The following TENM2 variants were observed in gnomAD, a reference collection of about 807,000 sequenced individuals.
The protein encoded by TENM2 is teneurin transmembrane protein 2.
TENM2 carries 52 observed loss-of-function variants against 245.2 expected under a neutral mutation model. The observed-to-expected ratio is 0.21, with a 90% confidence interval of 0.17 to 0.27. The LOEUF (loss-of-function observed/expected upper bound fraction) is 0.27, where lower values mean the gene tolerates loss of function less well. Ranked by LOEUF, TENM2 falls within the 10% of genes least tolerant of loss-of-function variation. The pLI is 1.00. For synonymous variants in TENM2, 1,363 were observed against 1,438.9 expected (o/e 0.95, Z 1.19); for missense variants, 3,046 against 3,666.8 (o/e 0.83, Z 4.37).
At chr5:167,159,732 A>G in the TENM2 span, among the ~76,000 whole-genome samples, 1 of 152,206 alleles carries the variant, frequency 6.6e-6, no homozygotes, top group African/African-American at 2.4e-5. Flanking sequence ...GGCCCCGCCC[A>G]CAAGAGAACC....
chr5:168,009,122 A>G (rs989551878), intron 5 of TENM2, among the ~76,000 whole-genome samples: 3 of 152,222 alleles, frequency 2.0e-5, no homozygotes, highest in Admixed American at 6.5e-5. Flanking sequence ...ATTGGAATAT[A>G]CATTAAGACT....
intron 2 of TENM2, among the ~76,000 whole-genome samples, chr5:167,700,594 G>T (rs766854423): frequency 1.1e-4 from 16 of 152,274 alleles, no homozygotes; most frequent in Admixed American, 2.6e-4. Context: ...CAGAGTCCTT[G>T]CTTCTCACTG....
the TENM2 span, among the ~76,000 whole-genome samples, chr5:167,036,593 T>C: frequency 6.6e-6 from 1 of 152,230 alleles, no homozygotes; most frequent in East Asian, 1.9e-4. Flanking sequence ...CTATATTCTA[T>C]TGAGATGCAA....
the TENM2 span, among the ~76,000 whole-genome samples, chr5:167,120,862 G>A: frequency 6.6e-6 from 1 of 152,224 alleles, no homozygotes; most frequent in African/African-American, 2.4e-5. Context: ...ATCTGGCTCT[G>A]TGGGAAAGAG....
At position 167,661,089 on chromosome 5, in the gene TENM2, G is replaced by A. The variant is rs60639149; in HGVS notation, c.503-214897G>A. On this transcript the variant is annotated intron_variant, in intron 2 of 28. Coordinates refer to ENST00000518659, the Ensembl canonical transcript of TENM2. ...ATATTTTTCCTTAGATGCCATTAGG[G>A]CACGTTGCACTGAGCATGTACCTTA... Among the ~76,000 whole-genome samples the A allele has an allele frequency of 2.6e-3, 401 of 152,258 alleles. 3 individuals carry two copies. The highest frequency in any genetic ancestry group is 9.1e-3 in the African/African-American group (378 of 41,560).
At chr5:167,422,838 A>G (rs574789671) in intron 2 of TENM2, among the ~76,000 whole-genome samples, 91 of 152,282 alleles carry the variant, frequency 6.0e-4, no homozygotes, top group African/African-American at 2.1e-3. Context: ...GAAAGTTTAA[A>G]TGCCCTGCTC....
intron 2 of TENM2, among the ~76,000 whole-genome samples, chr5:167,794,228 C>T (rs976009388): frequency 5.3e-5 from 8 of 152,080 alleles, no homozygotes; most frequent in Admixed American, 2.6e-4. Context: ...AGGTGGTACA[C>T]GTTTGCCAAA....
At chr5:167,902,736 A>G (rs1351373931) in intron 3 of TENM2, among the ~76,000 whole-genome samples, 1 of 152,160 alleles carries the variant, frequency 6.6e-6, no homozygotes, top group Non-Finnish European at 1.5e-5. Flanking sequence ...ACCTGTTTTC[A>G]TATTGCAATA....
chr5:167,484,498 G>A (rs1432886), intron 2 of TENM2, among the ~76,000 whole-genome samples: 4 of 152,010 alleles, frequency 2.6e-5, no homozygotes, highest in South Asian at 4.1e-4. Flanking sequence ...CCCTCCCAGC[G>A]CTCAGGAGCC....
At chr5:167,263,195 C>T in the TENM2 span, among the ~76,000 whole-genome samples, 17,052 of 152,166 alleles carry the variant, frequency 0.11, 1,107 homozygotes, top group East Asian at 0.19. Flanking sequence ...GACTTGCTAG[C>T]GTGTATGAGC....
the TENM2 span, among the ~76,000 whole-genome samples, chr5:167,125,708 T>C: frequency 6.6e-6 from 1 of 152,184 alleles, no homozygotes; most frequent in Non-Finnish European, 1.5e-5. Flanking sequence ...ATCGTCCGTA[T>C]GCAGCTTGCT....
intron 2 of TENM2, among the ~76,000 whole-genome samples, chr5:167,457,825 A>C (rs181498533): frequency 3.9e-5 from 6 of 152,342 alleles, no homozygotes; most frequent in Admixed American, 2.6e-4. Flanking sequence ...TTTGCCTCAG[A>C]GACTTTAATC....
At chr5:167,798,286 A>G (rs1301567724) in intron 2 of TENM2, among the ~76,000 whole-genome samples, 1 of 152,172 alleles carries the variant, frequency 6.6e-6, no homozygotes, top group Non-Finnish European at 1.5e-5. Flanking sequence ...TCAGCTTTCT[A>G]TAATTTAAAG....
the TENM2 span, among the ~76,000 whole-genome samples, chr5:167,057,645 C>T: frequency 6.6e-6 from 1 of 152,152 alleles, no homozygotes; most frequent in South Asian, 2.1e-4. Context: ...CTAGAGAAAA[C>T]TGGAGTTGAT....
chr5:167,613,975 GA>G (rs1490304343), intron 2 of TENM2, among the ~76,000 whole-genome samples: 1 of 151,996 alleles, frequency 6.6e-6, no homozygotes, highest in African/African-American at 2.4e-5. Context: ...AAAGGTATTT[GA>G]AAATCAACCA....
At chr5:167,207,624 G>A in the TENM2 span, among the ~76,000 whole-genome samples, 3 of 152,136 alleles carry the variant, frequency 2.0e-5, no homozygotes, top group Non-Finnish European at 4.4e-5. Flanking sequence ...CTCTGTTCCA[G>A]GCACTCTCCT....
the TENM2 span, among the ~76,000 whole-genome samples, chr5:167,019,902 G>A: frequency 2.0e-5 from 3 of 152,068 alleles, no homozygotes; most frequent in Non-Finnish European, 4.4e-5. Flanking sequence ...AGTGCCAAGA[G>A]CAAGTAAATA....
intron 6 of TENM2, among the ~76,000 whole-genome samples, chr5:168,061,236 T>G (rs1051619381): frequency 2.6e-5 from 4 of 152,154 alleles, no homozygotes; most frequent in Admixed American, 6.5e-5. Flanking sequence ...ATTTTAGAGA[T>G]AAGGAAAATG....
chr5:167,121,978 T>C, the TENM2 span, among the ~76,000 whole-genome samples: 1 of 152,180 alleles, frequency 6.6e-6, no homozygotes, highest in African/African-American at 2.4e-5. Context: ...CTCATTTAAA[T>C]CTTGTACCAA....
Sources: allele counts gnomAD v4.1 joint callset (sites outside exome capture counted in the v4.1 genomes callset), GRCh38; gene constraint gnomAD v4.1.1; transcripts MANE v1.5; gene names NCBI Gene and HGNC (gene_info 2026-07-23, HGNC 2026-07-21).